The following OR51B5 variants were observed in gnomAD, a reference collection of about 807,000 sequenced individuals.
The protein encoded by OR51B5 is olfactory receptor 51B5.
For synonymous variants in OR51B5, 186 were observed against 144.8 expected (o/e 1.28, Z -2.04); for missense variants, 456 against 374.6 (o/e 1.22, Z -1.79).
At position 5,495,046 on chromosome 11, in the gene OR51B5, C is replaced by A. The variant is rs529497102; in HGVS notation, n.84+10523G>T. ...GAAGTAGAAGTTTCCAGCTGCTATC[C>A]CCCTAGAGAAACACCAATTTTGCCA... On this transcript the variant is annotated intron_variant and non_coding_transcript_variant, in intron 1 of 4. Transcript: ENST00000415970. 2.0e-5 allele frequency among the ~76,000 whole-genome samples: 3 copies of A among 152,188 alleles called. No homozygotes were observed. In the South Asian group the frequency reaches 6.2e-4, roughly 32 times the overall value.
intron 1 of OR51B5, chr11:5,393,057 GCT>G (rs1214357434): frequency 6.6e-6 from 1 of 152,130 alleles, no homozygotes; most frequent in African/African-American, 2.4e-5. Flanking sequence ...AAATATTCAT[GCT>G]CTGTGTCTCA....
downstream of OR51B5, chr11:5,342,486 C>T (rs989044412): frequency 4.3e-6 from 6 of 1,381,520 alleles, no homozygotes; most frequent in African/African-American, 7.3e-5. Context: ...CCTATTTTAC[C>T]AAGTCATATG....
chr11:5,463,289 A>G (rs1851087783), intron 1 of OR51B5, among the ~76,000 whole-genome samples: 1 of 152,248 alleles, frequency 6.6e-6, no homozygotes, highest in Non-Finnish European at 1.5e-5. Context: ...TCAAGTGTAA[A>G]GTATAATTGC....
chr11:5,372,635 T>A (rs1849463703), intron 1 of OR51B5, among the ~76,000 whole-genome samples: 1 of 152,228 alleles, frequency 6.6e-6, no homozygotes, highest in South Asian at 2.1e-4. Flanking sequence ...TTTAGTTGAT[T>A]GAGTTCCTTA....
chr11:5,419,274 T>C (rs1378061637), intron 1 of OR51B5, among the ~76,000 whole-genome samples: 1 of 152,176 alleles, frequency 6.6e-6, no homozygotes, highest in Non-Finnish European at 1.5e-5. Flanking sequence ...AAAATGTCTT[T>C]AGCATCTCAG....
intron 1 of OR51B5, among the ~76,000 whole-genome samples, chr11:5,427,919 C>A (rs1850473554): frequency 1.3e-5 from 2 of 151,902 alleles, no homozygotes; most frequent in Admixed American, 1.3e-4. Flanking sequence ...ATATACAGTG[C>A]ATGGTCAAAA....
chr11:5,367,877 C>G (rs770282168), intron 1 of OR51B5, among the ~76,000 whole-genome samples: 3 of 152,096 alleles, frequency 2.0e-5, no homozygotes, highest in Non-Finnish European at 4.4e-5. Context: ...TGCTTTCTGC[C>G]TATATCTATT....
intron 1 of OR51B5, among the ~76,000 whole-genome samples, chr11:5,395,686 G>C (rs1236293339): frequency 6.6e-6 from 1 of 152,182 alleles, no homozygotes; most frequent in Non-Finnish European, 1.5e-5. Context: ...CTCTCGAAAA[G>C]AGGCAGGGCC....
intron 1 of OR51B5, among the ~76,000 whole-genome samples, chr11:5,381,748 G>C (rs1423379020): frequency 6.6e-6 from 1 of 152,142 alleles, no homozygotes. Context: ...AGGTCATTTA[G>C]AGCAATAAAG....
intron 1 of OR51B5, among the ~76,000 whole-genome samples, chr11:5,424,669 C>G (rs1217462708): frequency 6.6e-6 from 1 of 151,960 alleles, no homozygotes; most frequent in Non-Finnish European, 1.5e-5. Flanking sequence ...TGCCTCCTGT[C>G]TCTGTAAGTA....
At chr11:5,462,552 G>A (rs1851073061) in intron 1 of OR51B5, among the ~76,000 whole-genome samples, 1 of 152,144 alleles carries the variant, frequency 6.6e-6, no homozygotes, top group South Asian at 2.1e-4. Context: ...TAGTTCAGTT[G>A]GATGAGAAGT....
intron 1 of OR51B5, among the ~76,000 whole-genome samples, chr11:5,397,421 A>G (rs1240688171): frequency 6.6e-6 from 1 of 152,220 alleles, no homozygotes; most frequent in African/African-American, 2.4e-5. Flanking sequence ...AAAAGAAGAC[A>G]TTTATGCAGC....
intron 1 of OR51B5, among the ~76,000 whole-genome samples, chr11:5,477,804 T>C (rs550404895): frequency 2.0e-5 from 3 of 152,170 alleles, no homozygotes; most frequent in Non-Finnish European, 2.9e-5. Context: ...CTTTTCGGAC[T>C]GGCTTAAAAA....
intron 1 of OR51B5, among the ~76,000 whole-genome samples, chr11:5,466,365 C>T (rs1590013359): frequency 1.3e-5 from 2 of 152,098 alleles, no homozygotes; most frequent in South Asian, 2.1e-4. Context: ...CAGAAGTACT[C>T]GCTCTTCCCA....
intron 1 of OR51B5, among the ~76,000 whole-genome samples, chr11:5,364,428 G>C (rs11603059): frequency 0.11 from 16,868 of 152,252 alleles, 1,058 homozygotes; most frequent in South Asian, 0.15. Context: ...GACAGGATAT[G>C]AGAGCTGCAC....
At chr11:5,406,710 T>C (rs965740724) in intron 1 of OR51B5, among the ~76,000 whole-genome samples, 1 of 152,112 alleles carries the variant, frequency 6.6e-6, no homozygotes, top group Non-Finnish European at 1.5e-5. Context: ...AGAAATAGTT[T>C]TAAATGACTT....
At position 5,376,938 on chromosome 11, in the gene OR51B5, G is replaced by A. The variant is rs574816201; in HGVS notation, n.85-30028C>T. Among the ~76,000 whole-genome samples the A allele has an allele frequency of 2.8e-3, 432 of 151,670 alleles. 1 individual carries two copies. Among genetic ancestry groups the A allele is most frequent in the African/African-American group, 9.9e-3 (408 of 41,274 alleles). Reference sequence around the variant, plus strand: ...CTATTCCAATCAACAGAAAAAGAAGGAATCCTCCCTAACTCATTTTATGAG... The same window carrying A: ...CTATTCCAATCAACAGAAAAAGAAGAAATCCTCCCTAACTCATTTTATGAG... On this transcript the variant is annotated intron_variant and non_coding_transcript_variant, in intron 1 of 4. Transcript: ENST00000415970.
chr11:5,408,539 A>G (rs770182365), intron 1 of OR51B5, among the ~76,000 whole-genome samples: 5 of 152,134 alleles, frequency 3.3e-5, no homozygotes, highest in African/African-American at 1.2e-4. Flanking sequence ...ATGACATCCA[A>G]TTGGTGGTCT....
intron 1 of OR51B5, among the ~76,000 whole-genome samples, chr11:5,369,366 TAGC>T (rs1849418063): frequency 6.6e-6 from 1 of 152,178 alleles, no homozygotes; most frequent in Non-Finnish European, 1.5e-5. Flanking sequence ...AATAATATTT[TAGC>T]AGCCACTATT....
Sources: allele counts gnomAD v4.1 joint callset (sites outside exome capture counted in the v4.1 genomes callset), GRCh38; gene constraint gnomAD v4.1.1; transcripts MANE v1.5; gene names NCBI Gene and HGNC (gene_info 2026-07-23, HGNC 2026-07-21).